The following FNBP1 variants were observed in gnomAD, a reference collection of about 807,000 sequenced individuals.
FNBP1 encodes formin-binding protein 1.
FNBP1 carries 26 observed loss-of-function variants against 90.6 expected under a neutral mutation model. That is an observed-to-expected ratio of 0.29 (90% CI 0.21 to 0.40). FNBP1 has a LOEUF of 0.40. Among genes scored for constraint, FNBP1 ranks in the 10% least tolerant of loss-of-function variants. The pLI, the probability that FNBP1 is intolerant of heterozygous loss-of-function variation, is 1.00. For synonymous variants in FNBP1, 260 were observed against 265.2 expected (o/e 0.98, Z 0.19); for missense variants, 635 against 768.0 (o/e 0.83, Z 2.05).
chr9:129,932,889 C>T (rs1406035378), intron 6 of FNBP1, among the ~76,000 whole-genome samples: 2 of 152,072 alleles, frequency 1.3e-5, no homozygotes, highest in South Asian at 2.1e-4. Context: ...CCATCTGTTC[C>T]CCGAGCCCGT....
At chr9:129,965,470 G>C (rs2048414500) in intron 4 of FNBP1, among the ~76,000 whole-genome samples, 1 of 152,110 alleles carries the variant, frequency 6.6e-6, no homozygotes, top group South Asian at 2.1e-4. Flanking sequence ...CTACTCCTCT[G>C]CTCACTGTTC....
At position 129,896,001 on chromosome 9, in the gene FNBP1, A is replaced by G. The variant is rs1245336407; in HGVS notation, c.1688-5T>C. On this transcript the variant is annotated splice_polypyrimidine_tract_variant and splice_region_variant and intron_variant, in intron 15 of 16. Coordinates refer to ENST00000446176, the MANE Select transcript of FNBP1 (RefSeq NM_015033.3). The stretch of plus-strand genomic sequence containing the variant: ...AAATCGTTCCTTCATTCTGACCTGA[A>G]AAAGCAATATCAGGATATGTTAGAT... 10 of 1,605,800 alleles carry G rather than the reference A, an allele frequency of 6.2e-6. No individual in the cohort carries two copies. Among genetic ancestry groups the G allele is most frequent in the Non-Finnish European group, 8.5e-6 (10 of 1,177,014 alleles).
chr9:130,033,615 T>A (rs2059004396), intron 1 of FNBP1, among the ~76,000 whole-genome samples: 1 of 147,394 alleles, frequency 6.8e-6, no homozygotes, highest in Non-Finnish European at 1.5e-5. Context: ...AGGCCGGTGA[T>A]CACTTGAGGT....
At chr9:130,040,326 G>A (rs778899957) in intron 1 of FNBP1, among the ~76,000 whole-genome samples, 38 of 152,160 alleles carry the variant, frequency 2.5e-4, no homozygotes, top group Non-Finnish European at 5.3e-4. Flanking sequence ...TCATAAGAAT[G>A]TCTTTTTTAA....
rs976776040 is a variant in FNBP1 at position 129,900,599 on chromosome 9, C to T, written c.1429-52G>A. On this transcript the variant is annotated intron_variant, in intron 13 of 16. Transcript: ENST00000446176. This position sits in a 1 kb window ranked among gnomAD's most constrained non-coding sequence, Gnocchi z 4.1. ...CAACCTAAGGCCATCTGAGGGTCAG[C>T]CCAGAGTGTCCTAAGGTCCCAAAGG... 3 of 1,435,778 alleles carry T rather than the reference C, an allele frequency of 2.1e-6. No individual in the cohort carries two copies. Among genetic ancestry groups the T allele is most frequent in the African/African-American group, 1.5e-5 (1 of 68,700 alleles). 88.9% of individuals were successfully genotyped at this position (1,435,778 alleles called of 1,614,324 possible).
chr9:129,960,771 G>A (rs1337758723), intron 4 of FNBP1, among the ~76,000 whole-genome samples: 2 of 152,098 alleles, frequency 1.3e-5, no homozygotes, highest in Non-Finnish European at 2.9e-5. Flanking sequence ...CTGCAACTTG[G>A]ACAGGTTGTA....
In FNBP1 at chr9:129,968,316, C is replaced by T. The variant is rs545598955; in HGVS notation, c.346-9763G>A. 9.9e-5 allele frequency among the ~76,000 whole-genome samples: 15 copies of T among 151,110 alleles called. 1 individual carries two copies. In the South Asian group the frequency reaches 2.9e-3, roughly 29 times the overall value. ...AGGCTGAGGCAGGAAAATTGCTTGACCCTGGGAGGCAGAGGTTGCAGTGAG... is the reference window on the plus strand; with the variant it reads ...AGGCTGAGGCAGGAAAATTGCTTGATCCTGGGAGGCAGAGGTTGCAGTGAG... On this transcript the variant is annotated intron_variant, in intron 4 of 16. Transcript: ENST00000446176.
chr9:129,970,839 G>A (rs774839251), intron 4 of FNBP1, among the ~76,000 whole-genome samples: 7 of 152,136 alleles, frequency 4.6e-5, no homozygotes, highest in Non-Finnish European at 1.0e-4. Context: ...AAACTGCTAA[G>A]TTCTTGCAGG....
At chr9:130,009,978 CAAAAAAA>C (rs68122821) in intron 1 of FNBP1, among the ~76,000 whole-genome samples, 2 of 69,932 alleles carry the variant, frequency 2.9e-5, no homozygotes, top group Non-Finnish European at 6.1e-5. Flanking sequence ...GACCCAGTCT[CAAAAAAA>C]AAAAAAAAAA....
intron 6 of FNBP1, among the ~76,000 whole-genome samples, chr9:129,950,972 T>TA (rs2046070909): frequency 7.6e-6 from 1 of 131,736 alleles, no homozygotes. Context: ...TTTTAATTTT[T>TA]TTTTTTTTTT....
chr9:129,987,525 T>G (rs1335242297), intron 2 of FNBP1, among the ~76,000 whole-genome samples: 1 of 152,052 alleles, frequency 6.6e-6, no homozygotes, highest in Non-Finnish European at 1.5e-5. Flanking sequence ...TTTCATAATC[T>G]TTTTGATAAA....
At chr9:129,988,902 C>T (rs1323473943) in intron 2 of FNBP1, among the ~76,000 whole-genome samples, 1 of 152,120 alleles carries the variant, frequency 6.6e-6, no homozygotes, top group Non-Finnish European at 1.5e-5. Context: ...TAGCATTCTC[C>T]CCTGCAATGC....
intron 4 of FNBP1, among the ~76,000 whole-genome samples, chr9:129,972,092 C>T (rs2049540327): frequency 6.6e-6 from 1 of 152,136 alleles, no homozygotes; most frequent in Non-Finnish European, 1.5e-5. Context: ...ATGTTAAAAG[C>T]AGCTTCTTGT....
chr9:130,029,373 C>CA (rs1010083459), intron 1 of FNBP1, among the ~76,000 whole-genome samples: 5 of 152,090 alleles, frequency 3.3e-5, no homozygotes, highest in African/African-American at 1.2e-4. Context: ...CTTGGCCTCC[C>CA]AAAGTGCTAA....
At chr9:129,928,901 G>T (rs2042310229) in intron 7 of FNBP1, among the ~76,000 whole-genome samples, 1 of 151,892 alleles carries the variant, frequency 6.6e-6, no homozygotes, top group African/African-American at 2.4e-5. Context: ...GACCATCCTG[G>T]GCAACACAGC....
chr9:129,974,812 A>G (rs967321398), intron 4 of FNBP1, among the ~76,000 whole-genome samples: 2 of 151,658 alleles, frequency 1.3e-5, no homozygotes, highest in Non-Finnish European at 2.9e-5. Flanking sequence ...GTGAGCCATG[A>G]TCGCACCACT....
At chr9:130,026,615 T>C (rs1007683759) in intron 1 of FNBP1, among the ~76,000 whole-genome samples, 1 of 152,120 alleles carries the variant, frequency 6.6e-6, no homozygotes, top group Admixed American at 6.6e-5. Flanking sequence ...GTCTGGCTGA[T>C]TTACTGCCTC....
At chr9:129,908,848 C>G (rs2038681467) in intron 12 of FNBP1, 42 bp downstream of exon 12, 1 of 1,361,728 alleles carries the variant, frequency 7.3e-7, no homozygotes, top group African/African-American at 1.4e-5. Flanking sequence ...GCCACTGCGC[C>G]TGGCCTTGAA....
At chr9:130,008,030 T>C (rs1379475045) in intron 1 of FNBP1, among the ~76,000 whole-genome samples, 7 of 140,162 alleles carry the variant, frequency 5.0e-5, no homozygotes, top group Admixed American at 4.2e-4. Flanking sequence ...CTGCTTACTT[T>C]TTTTCATTAA....
Sources: allele counts gnomAD v4.1 joint callset (sites outside exome capture counted in the v4.1 genomes callset), GRCh38; gene constraint gnomAD v4.1.1; non-coding constraint Gnocchi (gnomAD v3.1); transcripts MANE v1.5; gene names NCBI Gene and HGNC (gene_info 2026-07-23, HGNC 2026-07-21).